Variants in ATM observed in about 807,000 individuals in gnomAD.
ATM encodes the protein ATM serine/threonine kinase.
In ATM, 308 loss-of-function variants were observed where a neutral mutation model predicts 387.0. That is an observed-to-expected ratio of 0.80 (90% confidence interval 0.73 to 0.87). The LOEUF is 0.87. Among genes scored for constraint, ATM ranks in the 40% least tolerant of loss-of-function variants. The pLI is 0.00. For missense variants in ATM, 3,312 were observed against 3,560.9 expected (o/e 0.93, Z 1.78); for synonymous variants, 1,156 against 1,187.3 (o/e 0.97, Z 0.54).
intron 56 of ATM, chr11:108,340,166 C>T (rs1031083993): frequency 6.6e-6 from 1 of 152,052 alleles, no homozygotes; most frequent in African/African-American, 2.4e-5. Context: ...TTTCTTTTTA[C>T]TTTTATTATT....
At chr11:108,289,514 C>A in intron 28 of ATM, 88 bp from the exon 29 acceptor site, 1 of 1,015,706 alleles carries the variant, frequency 9.8e-7, no homozygotes, top group Non-Finnish European at 1.4e-6. Context: ...TGTAGGTATT[C>A]AAATATTTGA....
chr11:108,226,092 AT>A lies in ATM; in HGVS notation c.-30-1502del, dbSNP rs2078723791. The stretch of plus-strand genomic sequence containing the variant: ...GTTTAATAAAAAACTTCTTTGTATT[AT>A]ATAAAGGTTTAGATCAGAACTAGTA... On this transcript the variant is annotated intron_variant, in intron 1 of 62. Transcript: ENST00000675843. 1.3e-5 allele frequency: 2 copies of A among 152,152 alleles called. 1 individual carries two copies. Among genetic ancestry groups the A allele is most frequent in the South Asian group, 4.1e-4 (2 of 4,832 alleles). 9.4% of individuals were successfully genotyped at this position (152,152 alleles called of 1,614,324 possible).
intron 37 of ATM, among the ~76,000 whole-genome samples, chr11:108,305,545 C>G (rs1251126003): frequency 6.6e-6 from 1 of 152,084 alleles, no homozygotes; most frequent in Non-Finnish European, 1.5e-5. Flanking sequence ...CAAGATTACA[C>G]CACTGCATTC....
intron 4 of ATM, among the ~76,000 whole-genome samples, chr11:108,232,525 T>TC (rs1359963332): frequency 7.5e-6 from 1 of 132,758 alleles, no homozygotes; most frequent in African/African-American, 3.0e-5. Flanking sequence ...TTGATTTCTC[T>TC]CCTTTTTTTT....
At chr11:108,259,917 C>T (rs555907164) in intron 16 of ATM, among the ~76,000 whole-genome samples, 1 of 151,980 alleles carries the variant, frequency 6.6e-6, no homozygotes, top group Admixed American at 6.6e-5. Flanking sequence ...TTCCATGTCA[C>T]TGTACTTATT....
chr11:108,251,477 A>G (rs373452317), intron 10 of ATM, among the ~76,000 whole-genome samples: 5 of 152,198 alleles, frequency 3.3e-5, no homozygotes, highest in Admixed American at 1.3e-4. Flanking sequence ...GAAATGTACA[A>G]TAGATTAATG....
intron 54 of ATM, 24 bp downstream of exon 54, chr11:108,333,992 T>G (rs768698176): frequency 1.3e-6 from 2 of 1,561,564 alleles, no homozygotes; most frequent in South Asian, 1.1e-5. Flanking sequence ...AACTCTTGAT[T>G]TTTTTTAAAC....
intron 13 of ATM, 85 bp from the exon 14 acceptor site, chr11:108,256,130 G>T (rs1296109199): frequency 7.9e-7 from 1 of 1,267,190 alleles, no homozygotes; most frequent in Non-Finnish European, 1.1e-6. Context: ...TTTTTAATAT[G>T]TATGTAGAAT....
chr11:108,272,586 T>C lies in ATM; in HGVS notation c.3132T>C (p.Asn1044=), dbSNP rs1430714562. The C allele has an allele frequency of 1.2e-5, 20 of 1,613,728 alleles. No individual in the cohort carries two copies. Among genetic ancestry groups the C allele is most frequent in the Non-Finnish European group, 1.7e-5 (20 of 1,179,792 alleles). ...TCTCTGTAAGAATGGCCCTAGTAAATTGCCTTAAAACTTTGCTTGAGGTGA... is the reference window on the plus strand; with the variant it reads ...TCTCTGTAAGAATGGCCCTAGTAAACTGCCTTAAAACTTTGCTTGAGGTGA... ...YIFSVRMALV[N]CLKTLLEADP... The change falls in exon 21 of 63, where the codon AAT becomes AAC. Residue 1044 remains asparagine, a synonymous_variant. Transcript: ENST00000675843.
intron 43 of ATM, among the ~76,000 whole-genome samples, chr11:108,319,245 A>G (rs992028951): frequency 1.3e-5 from 2 of 152,188 alleles, no homozygotes; most frequent in Non-Finnish European, 2.9e-5. Context: ...AATTAGAGAT[A>G]TATCCTCATA....
chr11:108,254,137 T>C, intron 13 of ATM, 98 bp downstream of exon 13: 1 of 1,173,398 alleles, frequency 8.5e-7, no homozygotes, highest in South Asian at 1.3e-5. Context: ...GCAAGGATGG[T>C]GGGAGGCTTC....
chr11:108,355,612 A>G (rs968087663), intron 61 of ATM: 1 of 152,146 alleles, frequency 6.6e-6, no homozygotes, highest in African/African-American at 2.4e-5. Context: ...CTTTTCCACT[A>G]CTCAGCTTTT....
chr11:108,257,469 T>C lies in ATM; in HGVS notation c.2251-12T>C. 1 of 1,612,070 alleles carries C rather than the reference T, an allele frequency of 6.2e-7. No homozygotes were observed. The highest frequency in any genetic ancestry group is 8.5e-7 in the Non-Finnish European group (1 of 1,179,602). On this transcript the variant is annotated splice_polypyrimidine_tract_variant and intron_variant, in intron 14 of 62. Coordinates refer to ENST00000675843, the MANE Select transcript of ATM (RefSeq NM_000051.4). ...TAACTGGAATTTGCATTTTTCCTTC[T>C]ATTCACAATAGTCTCTAATGCAATG...
rs1244168959 is a variant in ATM, at chr11:108,325,393, T to C, written c.6656T>C (p.Phe2219Ser). ...SQLLKDSDFS[F>S]QEPIMALRTV... ...CTTCTCAAGGACAGTGATTTTAGTTTTCAGGAGCCTATCATGGCTCTACGC... is the reference window on the plus strand; with the variant it reads ...CTTCTCAAGGACAGTGATTTTAGTTCTCAGGAGCCTATCATGGCTCTACGC... Residue 2219 changes from phenylalanine (F) to serine (S), a missense_variant, in exon 46 of 63, where the codon TTT (phenylalanine) becomes TCT (serine). This residue lies in a region of ATM where 1,405 missense variants were observed against 1,604.4 expected (regional missense o/e 0.88). Transcript: ENST00000675843. The C allele has an allele frequency of 3.7e-6, 6 of 1,613,904 alleles. No homozygotes were observed. Among genetic ancestry groups the C allele is most frequent in the Non-Finnish European group, 5.1e-6 (6 of 1,179,924 alleles).
At chr11:108,261,619 C>G (rs1257312579) in intron 16 of ATM, among the ~76,000 whole-genome samples, 6 of 152,116 alleles carry the variant, frequency 3.9e-5, no homozygotes, top group Non-Finnish European at 7.4e-5. Flanking sequence ...AGCAACGGAA[C>G]AAAGCTGGAT....
intron 5 of ATM, among the ~76,000 whole-genome samples, chr11:108,241,696 G>A (rs985698152): frequency 4.1e-5 from 6 of 144,786 alleles, no homozygotes; most frequent in Middle Eastern, 3.6e-3. Flanking sequence ...TGCATTTAAG[G>A]TTCCTCCATG....
Position 108,326,200 on chromosome 11 carries a change from A to C in ATM, c.6950A>C (p.Lys2317Thr), listed in dbSNP as rs750285816. Residue 2317 changes from lysine to threonine, a missense_variant, in exon 47 of 63, where the codon AAG (lysine) becomes ACG (threonine). Physicochemically the swap from Lys to Thr is moderately conservative, Grantham distance 78. Transcript: ENST00000675843. ...LALSILKQMI[K>T]KLDASCAANN... is the part of the protein sequence containing the mutation. ...CTGAGTATTCTCAAGCAAATGATCA[A>C]GAAGTTGGATGCCAGCTGTGCAGCG... The C allele has an allele frequency of 6.2e-7, 1 of 1,614,146 alleles. No homozygotes were observed. The highest frequency in any genetic ancestry group is 8.5e-7 in the Non-Finnish European group (1 of 1,180,016).
chr11:108,293,319 G>T lies in ATM; in HGVS notation c.4618G>T (p.Asp1540Tyr), dbSNP rs778622948. The change falls in exon 31 of 63, where the codon GAC (aspartate) becomes TAC (tyrosine). Residue 1540 changes from aspartate (D) to tyrosine (Y), a missense_variant. This residue lies in a region of ATM where 1,791 missense variants were observed against 1,804.5 expected (regional missense o/e 0.99). Transcript: ENST00000675843. Reference sequence around the variant, plus strand: ...CTTTTTAAATTATATTTAGGTATTGGACTTGTTGAAATACTTAGTGATAGA... The same window carrying T: ...CTTTTTAAATTATATTTAGGTATTGTACTTGTTGAAATACTTAGTGATAGA... ...EQVEVQKQVLDLLKYLVIDNK... is the reference protein window; with the variant it reads ...EQVEVQKQVLYLLKYLVIDNK... 7 of 1,535,130 alleles carry T rather than the reference G, an allele frequency of 4.6e-6. No individual in the cohort carries two copies. The South Asian group carries it at 8.3e-5, about 18-fold the overall frequency.
At chr11:108,311,024 G>A (rs1052575598) in intron 39 of ATM, among the ~76,000 whole-genome samples, 12 of 152,192 alleles carry the variant, frequency 7.9e-5, no homozygotes, top group Non-Finnish European at 1.5e-4. Context: ...CTGTGGTGCA[G>A]TGGTGCGATC....
Sources: gnomAD v4.1 joint callset for allele counts (sites outside exome capture counted in the v4.1 genomes callset) on GRCh38, gnomAD v4.1.1 for gene constraint, gnomAD v4.1.1 regional missense constraint, MANE v1.5 for transcripts, NCBI Gene and HGNC (gene_info 2026-07-23, HGNC 2026-07-21) for gene names.